PTPN13: variants seen among roughly 807,000 people sequenced by gnomAD.
PTPN13 encodes tyrosine-protein phosphatase non-receptor type 13.
Under a neutral mutation model 284.0 loss-of-function variants are expected in PTPN13, and 191 were observed. The observed-to-expected ratio is 0.67, with a 90% CI of 0.60 to 0.76. The LOEUF (loss-of-function observed/expected upper bound fraction) is 0.76. PTPN13 is among the 30% of genes least tolerant of loss of function. The probability of loss-of-function intolerance (pLI) is 0.00; values close to 1 mark genes in which losing one functional copy is unlikely to be tolerated. For synonymous variants in PTPN13, 986 were observed against 1,022.3 expected (o/e 0.96, Z 0.68); for missense variants, 2,797 against 2,939.9 (o/e 0.95, Z 1.12).
At chr4:86,701,190 A>G (rs1006978866) in intron 6 of PTPN13, 51 bp from the exon 7 acceptor site, 9 of 1,350,720 alleles carry the variant, frequency 6.7e-6, no homozygotes, top group Middle Eastern at 2.4e-4. Flanking sequence ...TTACATTTCC[A>G]TTTATTTTCT....
At chr4:86,793,265 A>G (rs1480315956) in intron 40 of PTPN13, among the ~76,000 whole-genome samples, 2 of 152,182 alleles carry the variant, frequency 1.3e-5, no homozygotes, top group African/African-American at 4.8e-5. Context: ...CAAGGCCACT[A>G]TATAATGGTA....
intron 2 of PTPN13, among the ~76,000 whole-genome samples, chr4:86,656,823 G>A (rs896663607): frequency 4.6e-5 from 7 of 152,224 alleles, no homozygotes; most frequent in Non-Finnish European, 1.0e-4. Flanking sequence ...GCCCCCAGAG[G>A]TGGAGTCTAC....
Position 86,771,240 on chromosome 4 carries a change from G to A in PTPN13, c.4873G>A (p.Glu1625Lys), listed in dbSNP as rs12500797. Residue 1625 changes from glutamate (E) to lysine (K), a missense_variant, in exon 31 of 48, where the codon GAG becomes AAG. By Grantham distance (56) the Glu-to-Lys change is moderately conservative. Coordinates refer to ENST00000411767, the MANE Select transcript of PTPN13 (RefSeq NM_080683.3). ...AGACTCTTCTCAGCCATCATGTGTG[G>A]AGCAAAGCACCAGCTCAGATGAAAA... ...SKDSSQPSCV[E>K]QSTSSDENEM... 0.1 allele frequency: 162,701 copies of A among 1,610,342 alleles called. 9,232 individuals carry two copies. Among genetic ancestry groups the A allele is most frequent in the Non-Finnish European group, 0.12 (137,257 of 1,178,254 alleles).
intron 1 of PTPN13, among the ~76,000 whole-genome samples, chr4:86,616,773 C>G (rs1720595108): frequency 6.6e-6 from 1 of 152,192 alleles, no homozygotes; most frequent in Admixed American, 6.5e-5. Flanking sequence ...GCCATGCTTT[C>G]TATAAAGCCT....
At position 86,728,494 on chromosome 4, in the gene PTPN13, G is replaced by T. The variant is rs1014407708; in HGVS notation, c.1609-3906G>T. Among the ~76,000 whole-genome samples, 47 of 148,020 alleles carry T rather than the reference G, an allele frequency of 3.2e-4. 1 individual carries two copies. Among genetic ancestry groups the T allele is most frequent in the African/African-American group, 1.1e-3 (45 of 40,634 alleles). ...AAGGACTTCCTTTATGAATCTGGGT[G>T]CTCCTGTATTGGGTGCATATATATT... On this transcript the variant is annotated intron_variant, in intron 10 of 47. Transcript: ENST00000411767.
chr4:86,658,828 A>T (rs1269618996), intron 2 of PTPN13, among the ~76,000 whole-genome samples: 2 of 152,146 alleles, frequency 1.3e-5, no homozygotes, highest in Admixed American at 1.3e-4. Flanking sequence ...AAAATTCTAC[A>T]CGTAGATTAA....
chr4:86,773,076 T>G, intron 32 of PTPN13, 118 bp downstream of exon 32: 1 of 706,810 alleles, frequency 1.4e-6, no homozygotes, highest in Non-Finnish European at 2.2e-6. Flanking sequence ...GTGTGTCTAA[T>G]AAATGGATAA....
At chr4:86,750,937 C>A in intron 18 of PTPN13, 50 bp downstream of exon 18, 1 of 1,577,948 alleles carries the variant, frequency 6.3e-7, no homozygotes, top group East Asian at 2.2e-5. Context: ...TTCTACATTT[C>A]ATACGTTTCT....
rs548993267 is a variant in PTPN13 at position 86,725,777 on chromosome 4, A to G, written c.1608+3343A>G. ...CTCCCATTCTGTAGGTTGCCTGTTCACGCTGATGGTAGTTTCTTTTGCCAT... is the reference window on the plus strand; with the variant it reads ...CTCCCATTCTGTAGGTTGCCTGTTCGCGCTGATGGTAGTTTCTTTTGCCAT... On this transcript the variant is annotated intron_variant, in intron 10 of 47. Coordinates refer to ENST00000411767, the MANE Select transcript of PTPN13 (RefSeq NM_080683.3). 1.6e-4 allele frequency among the ~76,000 whole-genome samples: 24 copies of G among 149,620 alleles called. 3 individuals carry two copies. The highest frequency in any genetic ancestry group is 2.9e-4 in the Non-Finnish European group (19 of 66,656).
chr4:86,759,211 C>T (rs923072609), intron 23 of PTPN13, 138 bp downstream of exon 23: 56 of 855,912 alleles, frequency 6.5e-5, no homozygotes, highest in Middle Eastern at 5.6e-4. Flanking sequence ...TTAATGTGTT[C>T]CATCTTTCTT....
intron 9 of PTPN13, among the ~76,000 whole-genome samples, chr4:86,721,657 T>A (rs1168757930): frequency 3.3e-5 from 5 of 151,612 alleles, no homozygotes; most frequent in African/African-American, 1.2e-4. Flanking sequence ...GGGACAAAGA[T>A]CATATATGTA....
intron 1 of PTPN13, among the ~76,000 whole-genome samples, chr4:86,627,710 C>T (rs921539925): frequency 1.3e-5 from 2 of 152,080 alleles, no homozygotes; most frequent in African/African-American, 4.8e-5. Context: ...TCCCACATGC[C>T]TCTCCATAGG....
chr4:86,688,173 G>T (rs561050528), intron 4 of PTPN13, among the ~76,000 whole-genome samples: 16 of 152,246 alleles, frequency 1.1e-4, no homozygotes, highest in African/African-American at 3.9e-4. Flanking sequence ...AACACCTAAA[G>T]GATGATATAT....
At chr4:86,650,871 A>G (rs1054939986) in intron 2 of PTPN13, among the ~76,000 whole-genome samples, 20 of 152,188 alleles carry the variant, frequency 1.3e-4, no homozygotes, top group Non-Finnish European at 2.6e-4. Flanking sequence ...GCTAATAAGA[A>G]TAATTTGACT....
intron 1 of PTPN13, among the ~76,000 whole-genome samples, chr4:86,596,281 A>G (rs1282087348): frequency 6.6e-6 from 1 of 152,196 alleles, no homozygotes; most frequent in East Asian, 1.9e-4. Context: ...CTTTACCATT[A>G]TGTAGGTTTA....
intron 1 of PTPN13, among the ~76,000 whole-genome samples, chr4:86,619,766 T>A (rs1721006216): frequency 6.8e-6 from 1 of 147,470 alleles, no homozygotes; most frequent in Non-Finnish European, 1.5e-5. Flanking sequence ...TCTTTTTTCT[T>A]TTTTTTTTTC....
In PTPN13 at chr4:86,785,930, T is replaced by C; in HGVS notation, c.6339T>C (p.Phe2113=). 6.5e-7 allele frequency: 1 copy of C among 1,539,474 alleles called. No homozygotes were observed. The highest frequency in any genetic ancestry group is 8.8e-7 in the Non-Finnish European group (1 of 1,136,524). ...DCDGSPLPEY[F]TEATKMNGCE... ...ATGGTTCACCTTTACCTGAGTATTT[T>C]ACTGAGGTAACAATAATACCTAAAC... Residue 2113 remains phenylalanine (F), a synonymous_variant, in exon 40 of 48, where the codon TTT becomes TTC. Transcript: ENST00000411767.
chr4:86,726,928 A>G (rs760735867), intron 10 of PTPN13, among the ~76,000 whole-genome samples: 1 of 149,598 alleles, frequency 6.7e-6, no homozygotes, highest in Non-Finnish European at 1.5e-5. Flanking sequence ...TTGTCCATTT[A>G]GTATGATATT....
intron 10 of PTPN13, among the ~76,000 whole-genome samples, chr4:86,726,427 G>T (rs2149105177): frequency 6.7e-6 from 1 of 149,352 alleles, no homozygotes; most frequent in Admixed American, 6.7e-5. Context: ...CCATTTTCAT[G>T]ATATTGATTC....
Sources: gnomAD v4.1 joint callset for allele counts (sites outside exome capture counted in the v4.1 genomes callset) on GRCh38, gnomAD v4.1.1 for gene constraint, MANE v1.5 for transcripts, NCBI Gene and HGNC (gene_info 2026-07-23, HGNC 2026-07-21) for gene names.